CUX1: variants seen among roughly 807,000 people sequenced by gnomAD.
CUX1 encodes cut like homeobox 1.
CUX1 carries 31 observed loss-of-function variants against 158.8 expected under a neutral mutation model. The observed-to-expected ratio is 0.20, with a 90% CI of 0.15 to 0.26. CUX1 has a LOEUF of 0.26. Ranked by LOEUF, CUX1 falls within the 10% of genes least tolerant of loss-of-function variation. CUX1 has a pLI of 1.00. For missense variants in CUX1, 1,589 were observed against 2,014.6 expected (o/e 0.79, Z 4.04); for synonymous variants, 879 against 862.1 (o/e 1.02, Z -0.34).
Position 102,248,582 on chromosome 7 carries a change from A to G in CUX1, c.4058A>G (p.Glu1353Gly). The change falls in exon 24 of 24, where the codon GAG becomes GGG. Residue 1353 changes from glutamate to glycine, a missense_variant. Physicochemically the swap from Glu to Gly is moderately conservative, Grantham distance 98. This residue lies in a region of CUX1 where 344 missense variants were observed against 323.7 expected (regional missense o/e 1.06). Transcript: ENST00000292535. This position sits in a 1 kb window ranked among gnomAD's most constrained non-coding sequence, Gnocchi z 5.8. ...GAGGGCCCAGGCAGCGCCGACACCG[A>G]GGAGCCCAAGTCTCAGGGAGAGGCC... is the stretch of plus-strand genomic sequence containing the variant. ...ATEGPGSADTEEPKSQGEAER... is the reference protein window; with the variant it reads ...ATEGPGSADTGEPKSQGEAER... 6.7e-7 allele frequency: 1 copy of G among 1,483,880 alleles called. No homozygotes were observed. The highest frequency in any genetic ancestry group is 1.3e-5 in the South Asian group (1 of 79,830). 91.9% of individuals were successfully genotyped at this position (1,483,880 alleles called of 1,614,324 possible).
At chr7:102,223,276 A>G (rs1390807667) in intron 20 of CUX1, among the ~76,000 whole-genome samples, 1 of 152,122 alleles carries the variant, frequency 6.6e-6, no homozygotes, top group African/African-American at 2.4e-5. Context: ...AAGTTTAAAA[A>G]AAGTTTAATG....
intron 22 of CUX1, chr7:102,282,805 A>T (rs371590322): frequency 8.2e-7 from 1 of 1,220,266 alleles, no homozygotes; most frequent in African/African-American, 2.5e-5. Flanking sequence ...GCCCCCCCTC[A>T]GCCCCACAGC....
At chr7:102,262,865 G>A (rs1011964945), downstream of CUX1, among the ~76,000 whole-genome samples, 4 of 152,270 alleles carry the variant, frequency 2.6e-5, no homozygotes, top group East Asian at 1.9e-4. Context: ...TGCCTTACAC[G>A]CTGGGGTTAT....
At chr7:101,978,794 T>C (rs1009031531) in intron 2 of CUX1, among the ~76,000 whole-genome samples, 5 of 152,242 alleles carry the variant, frequency 3.3e-5, no homozygotes, top group African/African-American at 9.6e-5. Flanking sequence ...TTCCAGCTAC[T>C]TGTGCTCTTC....
chr7:101,981,667 C>T (rs542476733), intron 2 of CUX1, among the ~76,000 whole-genome samples: 16 of 151,708 alleles, frequency 1.1e-4, no homozygotes, highest in Middle Eastern at 3.4e-3. Flanking sequence ...GGCTGGAGTA[C>T]AGCAGTGCGA....
At chr7:102,175,908 T>C (rs1283541913) in intron 10 of CUX1, among the ~76,000 whole-genome samples, 5 of 152,266 alleles carry the variant, frequency 3.3e-5, no homozygotes, top group Non-Finnish European at 5.9e-5. Flanking sequence ...TAAAAGTTTC[T>C]AAACACTTAT....
intron 1 of CUX1, among the ~76,000 whole-genome samples, chr7:101,867,217 G>GA (rs1231232374): frequency 6.6e-6 from 1 of 152,074 alleles, no homozygotes; most frequent in East Asian, 1.9e-4. Context: ...ACTCTGTCTT[G>GA]AAAAAATAGA....
chr7:102,249,882 G>T lies in CUX1; in HGVS notation c.*840G>T. ...ACATATTTTTTAACAAAAAGAAAAC[G>T]TCACATCAGGAAACTCTGATTTTGT... On this transcript the variant is annotated 3_prime_UTR_variant, in exon 24 of 24. Coordinates refer to ENST00000292535, the MANE Select transcript of CUX1 (RefSeq NM_181552.4). 2 of 985,550 alleles carry T rather than the reference G, an allele frequency of 2.0e-6. No individual in the cohort carries two copies. The highest frequency in any genetic ancestry group is 1.2e-6 in the Non-Finnish European group (1 of 829,870). The allele number at this position is 985,550 out of a possible 1,614,324, so 61.1% of individuals were successfully genotyped here.
intron 3 of CUX1, among the ~76,000 whole-genome samples, chr7:102,040,979 G>A (rs1209013244): frequency 1.3e-5 from 2 of 152,144 alleles, no homozygotes; most frequent in African/African-American, 4.8e-5. Context: ...CTCCAGCAAT[G>A]TAAATCTGTT....
At chr7:101,966,591 T>C (rs1393355956) in intron 2 of CUX1, among the ~76,000 whole-genome samples, 2 of 152,170 alleles carry the variant, frequency 1.3e-5, no homozygotes, top group Non-Finnish European at 2.9e-5. Context: ...GATTGCAGGC[T>C]GCTGGAGCTT....
chr7:101,921,955 A>C (rs575669811), intron 2 of CUX1, among the ~76,000 whole-genome samples: 2 of 152,124 alleles, frequency 1.3e-5, no homozygotes, highest in African/African-American at 4.8e-5. Flanking sequence ...CCATCTCTAC[A>C]AAAAAATCAA....
chr7:102,278,822 G>A (rs185327986), intron 18 of CUX1, among the ~76,000 whole-genome samples: 1 of 151,626 alleles, frequency 6.6e-6, no homozygotes, highest in East Asian at 1.9e-4. Context: ...GTGAGAGGCC[G>A]AGGCGGGTGG....
intron 21 of CUX1, among the ~76,000 whole-genome samples, chr7:102,232,542 G>A (rs928101722): frequency 7.9e-5 from 12 of 152,052 alleles, no homozygotes; most frequent in African/African-American, 2.4e-4. Context: ...GGGGTCAAAC[G>A]CTGGCCCCTC....
chr7:101,835,394 A>G (rs2131081644), intron 1 of CUX1, among the ~76,000 whole-genome samples: 1 of 152,164 alleles, frequency 6.6e-6, no homozygotes, highest in South Asian at 2.1e-4. Flanking sequence ...GTATCCTTTC[A>G]TCAGCTAGTA....
intron 8 of CUX1, among the ~76,000 whole-genome samples, chr7:102,148,085 A>G (rs186485909): frequency 6.6e-6 from 1 of 152,344 alleles, no homozygotes; most frequent in African/African-American, 2.4e-5. Flanking sequence ...CAAGTAATCA[A>G]TATATGAACA....
At chr7:101,865,642 A>G (rs1306934521) in intron 1 of CUX1, among the ~76,000 whole-genome samples, 1 of 152,180 alleles carries the variant, frequency 6.6e-6, no homozygotes, top group East Asian at 1.9e-4. Context: ...ATTCTTACGC[A>G]GTTGGTAGGC....
chr7:101,979,840 G>GTTTTTATAATAGAGATAACAT (rs1813197336), intron 2 of CUX1, among the ~76,000 whole-genome samples: 2 of 152,188 alleles, frequency 1.3e-5, no homozygotes, highest in African/African-American at 4.8e-5. Context: ...AATAGAGATA[G>GTTTTTATAATAGAGATAACAT]GGTTTTACCA....
chr7:102,217,526 G>GA (rs1282258908), intron 20 of CUX1, among the ~76,000 whole-genome samples: 2 of 152,276 alleles, frequency 1.3e-5, no homozygotes, highest in Admixed American at 6.5e-5. Context: ...TCGGGGAGAT[G>GA]AAAGAGGAGA....
At chr7:101,913,671 A>G (rs1047704957) in intron 1 of CUX1, among the ~76,000 whole-genome samples, 20 of 151,828 alleles carry the variant, frequency 1.3e-4, no homozygotes, top group African/African-American at 4.6e-4. Flanking sequence ...CTGCCAACTC[A>G]AAGACATCGG....
Sources: allele counts gnomAD v4.1 joint callset (sites outside exome capture counted in the v4.1 genomes callset), GRCh38; gene constraint gnomAD v4.1.1; regional missense constraint gnomAD v4.1.1; non-coding constraint Gnocchi (gnomAD v3.1); transcripts MANE v1.5; gene names NCBI Gene and HGNC (gene_info 2026-07-23, HGNC 2026-07-21).